The following DSCAM variants were observed in gnomAD, a reference collection of about 807,000 sequenced individuals.
DSCAM encodes cell adhesion molecule DSCAM.
In DSCAM, 47 loss-of-function variants were observed where a neutral mutation model predicts 217.7. The ratio of observed to expected loss-of-function variants is 0.22; its 90% CI spans 0.17 to 0.28. The LOEUF (loss-of-function observed/expected upper bound fraction) is 0.28. DSCAM is among the 10% of genes least tolerant of loss of function. The pLI is 1.00. For missense variants in DSCAM, 2,080 were observed against 2,618.3 expected, an observed-to-expected ratio of 0.79 and a Z score of 4.49; for synonymous variants, 1,056 against 1,015.3, an observed-to-expected ratio of 1.04 and a Z score of -0.76.
chr21:40,265,588 A>G (rs2073515522), intron 11 of DSCAM, among the ~76,000 whole-genome samples: 1 of 152,228 alleles, frequency 6.6e-6, no homozygotes, highest in Non-Finnish European at 1.5e-5. Flanking sequence ...CCCAACTTCA[A>G]ATGATACTAC....
intron 24 of DSCAM, 30 bp from the exon 25 acceptor site, chr21:40,080,370 C>A: frequency 6.6e-7 from 1 of 1,522,192 alleles, no homozygotes; most frequent in South Asian, 1.3e-5. Flanking sequence ...TTCACATGAG[C>A]ACTGTGTTTG....
At chr21:40,289,548 G>T (rs1464400696) in intron 10 of DSCAM, among the ~76,000 whole-genome samples, 2 of 152,164 alleles carry the variant, frequency 1.3e-5, no homozygotes, top group Admixed American at 6.5e-5. Flanking sequence ...TAAAATAGGG[G>T]AGTATAGACA....
intron 1 of DSCAM, among the ~76,000 whole-genome samples, chr21:40,753,909 T>C (rs373190045): frequency 1.2e-4 from 18 of 152,382 alleles, no homozygotes; most frequent in African/African-American, 3.6e-4. Flanking sequence ...GTTCTGCAGC[T>C]GGCTGGCTTT....
At chr21:40,339,815 AAGT>A (rs2074471859) in intron 6 of DSCAM, among the ~76,000 whole-genome samples, 1 of 152,170 alleles carries the variant, frequency 6.6e-6, no homozygotes, top group South Asian at 2.1e-4. Flanking sequence ...GTTGGTGCAA[AAGT>A]GATTGCAAAA....
intron 29 of DSCAM, among the ~76,000 whole-genome samples, chr21:40,053,624 G>A (rs1412381437): frequency 6.6e-6 from 1 of 152,204 alleles, no homozygotes; most frequent in African/African-American, 2.4e-5. Context: ...AGAGCCCAGA[G>A]CATTTTGAAG....
At chr21:40,655,227 C>A (rs2090060803) in intron 3 of DSCAM, among the ~76,000 whole-genome samples, 1 of 152,186 alleles carries the variant, frequency 6.6e-6, no homozygotes, top group South Asian at 2.1e-4. Flanking sequence ...TCTTAGTCCA[C>A]ATGTGCTGCT....
intron 20 of DSCAM, among the ~76,000 whole-genome samples, chr21:40,114,846 A>G (rs563831129): frequency 1.3e-5 from 2 of 152,340 alleles, no homozygotes; most frequent in South Asian, 4.1e-4. Flanking sequence ...GAGAAATGCA[A>G]ATCAAAACCA....
chr21:40,345,349 G>T (rs748997476), intron 6 of DSCAM, among the ~76,000 whole-genome samples: 4 of 151,986 alleles, frequency 2.6e-5, no homozygotes, highest in Non-Finnish European at 5.9e-5. Context: ...TTGGAGTTCA[G>T]ATGTGTCCTC....
chr21:40,051,216 A>G (rs558493250), intron 30 of DSCAM, among the ~76,000 whole-genome samples: 1 of 152,352 alleles, frequency 6.6e-6, no homozygotes, highest in South Asian at 2.1e-4. Context: ...TAATCAGGAC[A>G]TCAATTTCTC....
intron 3 of DSCAM, among the ~76,000 whole-genome samples, chr21:40,629,041 T>A (rs2089645166): frequency 6.6e-6 from 1 of 151,846 alleles, no homozygotes. Context: ...ATCTATCTTT[T>A]TGTGTGTGTA....
chr21:40,112,762 C>G (rs1451127721), intron 20 of DSCAM, among the ~76,000 whole-genome samples: 7 of 152,166 alleles, frequency 4.6e-5, no homozygotes, highest in African/African-American at 1.7e-4. Context: ...GAAATACAAA[C>G]TACCATCAGA....
intron 8 of DSCAM, among the ~76,000 whole-genome samples, chr21:40,321,355 T>C (rs1017766647): frequency 1.3e-5 from 2 of 152,216 alleles, no homozygotes; most frequent in East Asian, 1.9e-4. Context: ...AAACCAAACA[T>C]AGCAAGTTTC....
At chr21:40,723,370 T>C (rs1029005516) in intron 1 of DSCAM, among the ~76,000 whole-genome samples, 3 of 152,214 alleles carry the variant, frequency 2.0e-5, no homozygotes, top group African/African-American at 4.8e-5. Context: ...ATTCATTGAA[T>C]GTCAGCTAAA....
intron 32 of DSCAM, among the ~76,000 whole-genome samples, chr21:40,018,801 A>C (rs1196874238): frequency 6.6e-6 from 1 of 152,232 alleles, no homozygotes; most frequent in Non-Finnish European, 1.5e-5. Context: ...GAAACAGCTC[A>C]GTGTTACATC....
chr21:40,704,130 T>C (rs2090686637), intron 2 of DSCAM, among the ~76,000 whole-genome samples: 1 of 152,150 alleles, frequency 6.6e-6, no homozygotes, highest in South Asian at 2.1e-4. Context: ...CATTACAGTA[T>C]CATACAGAAC....
chr21:40,423,350 G>A (rs965301640), intron 3 of DSCAM, among the ~76,000 whole-genome samples: 6 of 116,258 alleles, frequency 5.2e-5, no homozygotes, highest in African/African-American at 2.0e-4. Context: ...TATCCACAAC[G>A]AGAGAGAGAG....
At chr21:40,333,759 T>C (rs190837434) in intron 8 of DSCAM, among the ~76,000 whole-genome samples, 52 of 152,302 alleles carry the variant, frequency 3.4e-4, no homozygotes, top group Admixed American at 3.1e-3. Flanking sequence ...TTGGAAGTAG[T>C]TCACCACAGT....
intron 3 of DSCAM, among the ~76,000 whole-genome samples, chr21:40,410,828 C>T (rs942462802): frequency 6.6e-6 from 1 of 151,314 alleles, no homozygotes; most frequent in Non-Finnish European, 1.5e-5. Context: ...AGAAAGAAGT[C>T]ATTGCCCACA....
intron 11 of DSCAM, among the ~76,000 whole-genome samples, chr21:40,219,336 T>C (rs2091270517): frequency 6.6e-6 from 1 of 152,212 alleles, no homozygotes; most frequent in South Asian, 2.1e-4. Flanking sequence ...TACTTGATCA[T>C]GGTGGTCAAA....
Sources: gnomAD v4.1 joint callset for allele counts (sites outside exome capture counted in the v4.1 genomes callset) on GRCh38, gnomAD v4.1.1 for gene constraint, MANE v1.5 for transcripts, NCBI Gene and HGNC (gene_info 2026-07-23, HGNC 2026-07-21) for gene names.